ADAMTS6: variants seen among roughly 807,000 people sequenced by gnomAD.
ADAMTS6 encodes the protein A disintegrin and metalloproteinase with thrombospondin motifs 6.
ADAMTS6 carries 23 observed loss-of-function variants against 144.3 expected under a neutral mutation model. The observed-to-expected ratio is 0.16, with a 90% confidence interval of 0.11 to 0.23. The LOEUF (loss-of-function observed/expected upper bound fraction) is 0.23. Among genes scored for constraint, ADAMTS6 ranks in the 10% least tolerant of loss-of-function variants. ADAMTS6 has a pLI of 1.00. For synonymous variants in ADAMTS6, 444 were observed against 457.5 expected (o/e 0.97, Z 0.38); for missense variants, 999 against 1,379.6 (o/e 0.72, Z 4.37).
At chr5:65,405,190 T>C (rs2150171680) in intron 7 of ADAMTS6, among the ~76,000 whole-genome samples, 1 of 152,352 alleles carries the variant, frequency 6.6e-6, no homozygotes, top group South Asian at 2.1e-4. Flanking sequence ...TTGCCATTGC[T>C]TTAGGTGTTT....
At chr5:65,294,508 C>T (rs576187669) in intron 10 of ADAMTS6, among the ~76,000 whole-genome samples, 1 of 152,254 alleles carries the variant, frequency 6.6e-6, no homozygotes, top group Admixed American at 6.5e-5. Context: ...CTGCATCTGG[C>T]CTATATTTTA....
intron 3 of ADAMTS6, among the ~76,000 whole-genome samples, chr5:65,461,834 G>T (rs1759660446): frequency 6.6e-6 from 1 of 152,246 alleles, no homozygotes; most frequent in East Asian, 1.9e-4. Flanking sequence ...GCTTTAAAAA[G>T]AAAGCTGAAA....
chr5:65,397,648 G>A (rs1753463197), intron 7 of ADAMTS6, among the ~76,000 whole-genome samples: 1 of 151,878 alleles, frequency 6.6e-6, no homozygotes, highest in East Asian at 1.9e-4. Flanking sequence ...AGGCCCAGGA[G>A]ACCAGATTGC....
intron 7 of ADAMTS6, among the ~76,000 whole-genome samples, chr5:65,337,803 C>T (rs539738022): frequency 3.3e-5 from 5 of 152,236 alleles, no homozygotes; most frequent in Admixed American, 2.6e-4. Flanking sequence ...ACCTTATTTT[C>T]CTCCAGATCC....
chr5:65,216,883 A>G (rs1005453335), intron 18 of ADAMTS6, among the ~76,000 whole-genome samples: 2 of 152,144 alleles, frequency 1.3e-5, no homozygotes, highest in African/African-American at 4.8e-5. Context: ...ACAAACAGGA[A>G]ACAAATAAAC....
At chr5:65,398,804 GAAAGAA>G (rs1554083196) in intron 7 of ADAMTS6, among the ~76,000 whole-genome samples, 1 of 82,620 alleles carries the variant, frequency 1.2e-5, no homozygotes, top group Non-Finnish European at 2.6e-5. Flanking sequence ...AAGAAAGAAA[GAAAGAA>G]AGAAAGAAAG....
At chr5:65,426,233 A>ATTTTTTTTTTTTTTTTTTT (rs1756523031) in intron 7 of ADAMTS6, among the ~76,000 whole-genome samples, 1 of 131,522 alleles carries the variant, frequency 7.6e-6, no homozygotes, top group African/African-American at 2.8e-5. Flanking sequence ...TTTTTTTTTA[A>ATTTTTTTTTTTTTTTTTTT]TTTTTAGTAG....
At position 65,299,977 on chromosome 5, in the gene ADAMTS6, T is replaced by A; in HGVS notation, c.1370+8A>T. On this transcript the variant is annotated splice_region_variant and intron_variant, in intron 10 of 24. Coordinates refer to ENST00000381055, the MANE Select transcript of ADAMTS6 (RefSeq NM_197941.4). The stretch of plus-strand genomic sequence containing the variant: ...GCTATTTATCATCACTCTCCAGAGA[T>A]TACTTACTCTAGAAAGCTGGTGATG... The A allele has an allele frequency of 6.2e-7, 1 of 1,612,396 alleles. No homozygotes were observed. The highest frequency in any genetic ancestry group is 8.5e-7 in the Non-Finnish European group (1 of 1,179,296).
intron 22 of ADAMTS6, among the ~76,000 whole-genome samples, chr5:65,187,657 T>G (rs1754753277): frequency 6.6e-6 from 1 of 152,194 alleles, no homozygotes; most frequent in Non-Finnish European, 1.5e-5. Context: ...TAAGAAAGGT[T>G]CTTGACTCTC....
chr5:65,357,302 T>C (rs976147843), intron 7 of ADAMTS6, among the ~76,000 whole-genome samples: 4 of 151,782 alleles, frequency 2.6e-5, no homozygotes, highest in African/African-American at 9.7e-5. Flanking sequence ...GGATGCACAT[T>C]CTTACATTTG....
intron 3 of ADAMTS6, among the ~76,000 whole-genome samples, chr5:65,465,915 A>G (rs73093236): frequency 0.011 from 1,619 of 152,296 alleles, 20 homozygotes; most frequent in African/African-American, 0.037. Flanking sequence ...GCAATTTCAT[A>G]TAATCTCTTG....
rs550635962 is a variant in ADAMTS6 at position 65,476,785 on chromosome 5, A to AT, written c.-279-2834dup. On this transcript the variant is annotated intron_variant, in intron 1 of 24. Transcript: ENST00000381055. ...CACCATGCCCAGCTGATTTTTCTGTATTTTTTTTTAGTAGAGATGGGGTTT... is the reference window on the plus strand; with the variant it reads ...CACCATGCCCAGCTGATTTTTCTGTATTTTTTTTTTAGTAGAGATGGGGTTT... Among the ~76,000 whole-genome samples the AT allele has an allele frequency of 6.8e-3, 1,018 of 150,184 alleles. 9 individuals are homozygous for AT. Among genetic ancestry groups the AT allele is most frequent in the African/African-American group, 0.023 (943 of 40,970 alleles).
At chr5:65,311,942 T>C (rs889439653) in intron 9 of ADAMTS6, among the ~76,000 whole-genome samples, 15 of 152,088 alleles carry the variant, frequency 9.9e-5, no homozygotes, top group African/African-American at 3.6e-4. Context: ...CTGAAGATAA[T>C]CATGTTGCTA....
intron 14 of ADAMTS6, among the ~76,000 whole-genome samples, chr5:65,258,101 C>T (rs1285541433): frequency 4.6e-5 from 7 of 151,932 alleles, no homozygotes. Flanking sequence ...TATGACAAAT[C>T]AACTATATAG....
rs537870890 is a variant in ADAMTS6, at chr5:65,253,341, A to G, written c.1830+7259T>C. 6.6e-5 allele frequency among the ~76,000 whole-genome samples: 10 copies of G among 152,350 alleles called. No individual in the cohort carries two copies. In the South Asian group the frequency reaches 2.1e-3, roughly 32 times the overall value. On this transcript the variant is annotated intron_variant, in intron 14 of 24. Transcript: ENST00000381055. ...TATCTTATTTTTTTGAGCACTGATT[A>G]GAAAATTCTTCCAGGATCATTTGAA... is the stretch of plus-strand genomic sequence containing the variant.
chr5:65,230,714 CACAT>C (rs1339857688), intron 15 of ADAMTS6, among the ~76,000 whole-genome samples: 1 of 61,562 alleles, frequency 1.6e-5, no homozygotes, highest in Non-Finnish European at 3.0e-5. Flanking sequence ...ATATATATAA[CACAT>C]ATGTATGAAA....
intron 14 of ADAMTS6, 47 bp downstream of exon 14, chr5:65,260,553 G>T: frequency 6.6e-7 from 1 of 1,526,646 alleles, no homozygotes; most frequent in Non-Finnish European, 9.0e-7. Context: ...CCCTACTCTA[G>T]GGAAAGAGTA....
chr5:65,276,983 G>A (rs1287134700), intron 11 of ADAMTS6, among the ~76,000 whole-genome samples: 1 of 152,178 alleles, frequency 6.6e-6, no homozygotes, highest in Non-Finnish European at 1.5e-5. Context: ...GCACCTGTGT[G>A]TTAGAATCCC....
intron 7 of ADAMTS6, among the ~76,000 whole-genome samples, chr5:65,442,825 C>T (rs1272452576): frequency 6.6e-6 from 1 of 152,158 alleles, no homozygotes; most frequent in Non-Finnish European, 1.5e-5. Flanking sequence ...AATGCTCTCC[C>T]TCCCCTTCCC....
Sources: allele counts gnomAD v4.1 joint callset (sites outside exome capture counted in the v4.1 genomes callset), GRCh38; gene constraint gnomAD v4.1.1; transcripts MANE v1.5; gene names NCBI Gene and HGNC (gene_info 2026-07-23, HGNC 2026-07-21).